Variants in ATP8A1 observed in about 807,000 individuals in gnomAD.
ATP8A1 encodes the protein phospholipid-transporting ATPase IA.
A neutral mutation model predicts 177.7 loss-of-function variants in ATP8A1; 90 were observed. That is an observed-to-expected ratio of 0.51 (90% CI 0.43 to 0.60). The LOEUF (loss-of-function observed/expected upper bound fraction) is 0.60, where lower values mean the gene tolerates loss of function less well. ATP8A1 is among the 20% of genes least tolerant of loss of function. ATP8A1 has a pLI of 0.00. For synonymous variants in ATP8A1, 493 were observed against 485.9 expected (o/e 1.01, Z -0.19); for missense variants, 1,072 against 1,392.8 (o/e 0.77, Z 3.67).
chr4:42,554,023 G>C (rs1338080591), intron 16 of ATP8A1, among the ~76,000 whole-genome samples: 2 of 152,224 alleles, frequency 1.3e-5, no homozygotes, highest in Non-Finnish European at 2.9e-5. Context: ...GGAGCTCAAA[G>C]TGAGGGTGAC....
At chr4:42,618,960 G>A (rs1021971905) in intron 4 of ATP8A1, among the ~76,000 whole-genome samples, 1 of 152,070 alleles carries the variant, frequency 6.6e-6, no homozygotes, top group Non-Finnish European at 1.5e-5. Context: ...TGATAATACA[G>A]TTAACATTTA....
intron 5 of ATP8A1, among the ~76,000 whole-genome samples, chr4:42,608,706 T>A (rs1458704384): frequency 1.3e-5 from 2 of 152,130 alleles, no homozygotes; most frequent in East Asian, 3.9e-4. Flanking sequence ...AAAAAGACAA[T>A]GACACTACTG....
At chr4:42,478,308 T>A (rs1721294931) in intron 25 of ATP8A1, among the ~76,000 whole-genome samples, 2 of 151,866 alleles carry the variant, frequency 1.3e-5, no homozygotes, top group African/African-American at 4.8e-5. Flanking sequence ...TACGTAGAGG[T>A]TGCAGTGAGC....
rs1040575844 is a variant in ATP8A1 at position 42,409,679 on chromosome 4, T to C, written c.*3237A>G. 4 of 152,170 alleles carry C rather than the reference T, an allele frequency of 2.6e-5. No individual in the cohort carries two copies. Among genetic ancestry groups the C allele is most frequent in the Non-Finnish European group, 5.9e-5 (4 of 67,992 alleles). 9.4% of individuals were successfully genotyped at this position (152,170 alleles called of 1,614,324 possible). On this transcript the variant is annotated 3_prime_UTR_variant, in exon 37 of 37. Coordinates refer to ENST00000381668, the MANE Select transcript of ATP8A1 (RefSeq NM_006095.2). ...TGTAGTAATTATGACATTGTCATAATTTTAAAACTATGAATAATACAATCT... is the reference window on the plus strand; with the variant it reads ...TGTAGTAATTATGACATTGTCATAACTTTAAAACTATGAATAATACAATCT...
rs187251278 is a variant in ATP8A1 at position 42,647,171 on chromosome 4, C to A, written c.49+9654G>T. Among the ~76,000 whole-genome samples, 148 of 152,320 alleles carry A rather than the reference C, an allele frequency of 9.7e-4. 1 individual carries two copies. Among genetic ancestry groups the A allele is most frequent in the Admixed American group, 4.6e-3 (70 of 15,306 alleles). On this transcript the variant is annotated intron_variant, in intron 1 of 36. Coordinates refer to ENST00000381668, the MANE Select transcript of ATP8A1 (RefSeq NM_006095.2). ...TGTGTGAAGTTTTATACACACGTGA[C>A]TGCCTTCTGTTGTTAAGAAGGGAGC... is the stretch of plus-strand genomic sequence containing the variant.
intron 5 of ATP8A1, among the ~76,000 whole-genome samples, chr4:42,607,284 TA>T (rs1560512407): frequency 6.6e-6 from 1 of 152,242 alleles, no homozygotes; most frequent in Admixed American, 6.5e-5. Context: ...TCTTGGAATA[TA>T]GATGAGTATA....
chr4:42,482,055 C>A (rs950727316), intron 25 of ATP8A1, among the ~76,000 whole-genome samples: 2 of 152,174 alleles, frequency 1.3e-5, no homozygotes, highest in Admixed American at 6.5e-5. Flanking sequence ...GTAATCCCAG[C>A]ACTTTGGGAG....
chr4:42,602,386 C>T (rs944255051), intron 5 of ATP8A1, among the ~76,000 whole-genome samples: 4 of 152,172 alleles, frequency 2.6e-5, no homozygotes, highest in African/African-American at 9.7e-5. Context: ...GGAGTCAAAA[C>T]AGCCTCCGGT....
intron 33 of ATP8A1, among the ~76,000 whole-genome samples, chr4:42,439,994 C>T (rs1221940612): frequency 1.3e-5 from 2 of 152,214 alleles, no homozygotes. Flanking sequence ...TCAATTTCCA[C>T]ATCTGTAAAG....
At chr4:42,587,719 G>T (rs1733767689) in intron 8 of ATP8A1, among the ~76,000 whole-genome samples, 1 of 151,478 alleles carries the variant, frequency 6.6e-6, no homozygotes, top group African/African-American at 2.4e-5. Flanking sequence ...CCCTTCTCCT[G>T]CCTCAGCCTC....
chr4:42,478,157 C>A (rs932874398), intron 25 of ATP8A1, among the ~76,000 whole-genome samples: 26 of 151,614 alleles, frequency 1.7e-4, no homozygotes, highest in African/African-American at 4.6e-4. Context: ...GAGTTTGAGA[C>A]CAGCCTGGGC....
At chr4:42,534,944 G>A (rs901748703) in intron 20 of ATP8A1, among the ~76,000 whole-genome samples, 12 of 151,976 alleles carry the variant, frequency 7.9e-5, no homozygotes, top group African/African-American at 1.7e-4. Flanking sequence ...AGTCTTTTTC[G>A]GAAAAACAAA....
intron 1 of ATP8A1, among the ~76,000 whole-genome samples, chr4:42,646,228 T>C (rs1030579262): frequency 6.6e-6 from 1 of 152,078 alleles, no homozygotes; most frequent in African/African-American, 2.4e-5. Context: ...CAAGCTAGGG[T>C]TGGGAACCAG....
intron 15 of ATP8A1, among the ~76,000 whole-genome samples, chr4:42,559,971 G>T (rs1164798680): frequency 6.6e-6 from 1 of 152,206 alleles, no homozygotes; most frequent in Non-Finnish European, 1.5e-5. Flanking sequence ...CTCCCAAAGT[G>T]CTGGTATTAC....
At chr4:42,468,721 C>T (rs779138557) in intron 25 of ATP8A1, among the ~76,000 whole-genome samples, 28 of 152,002 alleles carry the variant, frequency 1.8e-4, no homozygotes, top group Admixed American at 1.3e-4. Context: ...GTATACTGCT[C>T]GGGTGATGGG....
intron 20 of ATP8A1, among the ~76,000 whole-genome samples, chr4:42,531,994 C>T (rs996758716): frequency 2.0e-5 from 3 of 151,786 alleles, no homozygotes; most frequent in Admixed American, 6.6e-5. Flanking sequence ...CCCAGTTACT[C>T]GGGAGTATGA....
intron 1 of ATP8A1, among the ~76,000 whole-genome samples, chr4:42,644,090 A>G (rs937953596): frequency 6.6e-6 from 1 of 152,250 alleles, no homozygotes; most frequent in African/African-American, 2.4e-5. Flanking sequence ...TTTGTTTAAA[A>G]GGTCAATTTT....
intron 33 of ATP8A1, among the ~76,000 whole-genome samples, chr4:42,431,641 T>C (rs1715318804): frequency 6.6e-6 from 1 of 152,218 alleles, no homozygotes; most frequent in South Asian, 2.1e-4. Context: ...ATCCATTATG[T>C]ATTTCCTAGG....
In ATP8A1 at chr4:42,551,186, CAACT is replaced by C. The variant is rs527392117; in HGVS notation, c.1602+8_1602+11del. 2 of 1,605,344 alleles carry C rather than the reference CAACT, an allele frequency of 1.2e-6. No homozygotes were observed. Among genetic ancestry groups the C allele is most frequent in the Non-Finnish European group, 8.5e-7 (1 of 1,172,300 alleles). On this transcript the variant is annotated splice_region_variant and intron_variant, in intron 18 of 36. Coordinates refer to ENST00000381668, the MANE Select transcript of ATP8A1 (RefSeq NM_006095.2). ...CTTGGATTAAAAAGAACCTTAAAAA[CAACT>C]AACTTACTGAATCTATAATCACCGA...
Sources: gnomAD v4.1 joint callset for allele counts (sites outside exome capture counted in the v4.1 genomes callset) on GRCh38, gnomAD v4.1.1 for gene constraint, MANE v1.5 for transcripts, NCBI Gene and HGNC (gene_info 2026-07-23, HGNC 2026-07-21) for gene names.